The following SEMA3E variants were observed in gnomAD, a reference collection of about 807,000 sequenced individuals.
The protein encoded by SEMA3E is semaphorin 3E, also known as semaphorin-3E.
Under a neutral mutation model 93.6 loss-of-function variants are expected in SEMA3E, and 49 were observed. That is an observed-to-expected ratio of 0.52 (90% confidence interval 0.42 to 0.66). The LOEUF (loss-of-function observed/expected upper bound fraction) is 0.66. SEMA3E is among the 30% of genes least tolerant of loss of function. The pLI, the probability that SEMA3E is intolerant of heterozygous loss-of-function variation, is 0.00. For missense variants in SEMA3E, 906 were observed against 964.8 expected, an observed-to-expected ratio of 0.94 and a Z score of 0.81; for synonymous variants, 363 against 330.7, an observed-to-expected ratio of 1.10 and a Z score of -1.06.
At chr7:83,547,707 G>C (rs1339659759) in intron 1 of SEMA3E, among the ~76,000 whole-genome samples, 1 of 152,066 alleles carries the variant, frequency 6.6e-6, no homozygotes, top group Non-Finnish European at 1.5e-5. Flanking sequence ...CTTGGTTGCT[G>C]CTAGAGATGT....
intron 1 of SEMA3E, among the ~76,000 whole-genome samples, chr7:83,602,968 A>C (rs1052606516): frequency 6.6e-6 from 1 of 152,212 alleles, no homozygotes; most frequent in Non-Finnish European, 1.5e-5. Context: ...TATAGATAGC[A>C]TATAGTAAGT....
intron 1 of SEMA3E, among the ~76,000 whole-genome samples, chr7:83,500,351 G>T (rs1790571341): frequency 6.6e-6 from 1 of 152,012 alleles, no homozygotes; most frequent in South Asian, 2.1e-4. Flanking sequence ...CAGGAGAATT[G>T]CTTGAACCCG....
intron 1 of SEMA3E, among the ~76,000 whole-genome samples, chr7:83,496,686 T>C (rs541214793): frequency 6.6e-6 from 1 of 152,204 alleles, no homozygotes; most frequent in Non-Finnish European, 1.5e-5. Flanking sequence ...CTTAAGAATT[T>C]TTCCTTTCTT....
intron 1 of SEMA3E, among the ~76,000 whole-genome samples, chr7:83,599,264 A>G (rs184371984): frequency 2.2e-4 from 33 of 152,330 alleles, no homozygotes; most frequent in Non-Finnish European, 3.5e-4. Flanking sequence ...ACATTAAGTT[A>G]CACAGAACAC....
At chr7:83,468,688 G>C (rs1454909476) in intron 3 of SEMA3E, among the ~76,000 whole-genome samples, 1 of 152,138 alleles carries the variant, frequency 6.6e-6, no homozygotes, top group African/African-American at 2.4e-5. Flanking sequence ...TGATGTCTTA[G>C]TGTGTTAGGG....
At chr7:83,392,047 G>A (rs1386186355) in intron 14 of SEMA3E, among the ~76,000 whole-genome samples, 2 of 152,110 alleles carry the variant, frequency 1.3e-5, no homozygotes, top group Non-Finnish European at 2.9e-5. Context: ...TTTACCTTCT[G>A]TAGGAAATGG....
Position 83,400,074 on chromosome 7 carries a change from T to C in SEMA3E, c.1320A>G (p.Arg440=), listed in dbSNP as rs750937375. The change falls in exon 11 of 17, where the codon CGA becomes CGG. Residue 440 remains arginine (R), a synonymous_variant. Coordinates refer to ENST00000643230, the MANE Select transcript of SEMA3E (RefSeq NM_012431.3). ...CATATTGGCCATCCTCAGCTTCCAC[T>C]CGATCTACTGCTATTTGTTTCAGGT... ...KYNLKQIAVD[R]VEAEDGQYDV... 4 of 1,614,082 alleles carry C rather than the reference T, an allele frequency of 2.5e-6. No homozygotes were observed. In the Admixed American group the frequency reaches 6.7e-5, roughly 27 times the overall value.
At chr7:83,503,290 T>C (rs1283658735) in intron 1 of SEMA3E, among the ~76,000 whole-genome samples, 1 of 152,132 alleles carries the variant, frequency 6.6e-6, no homozygotes, top group African/African-American at 2.4e-5. Flanking sequence ...CATTCCCATC[T>C]CAGATTGCAA....
At chr7:83,463,582 C>A (rs1160391539) in intron 4 of SEMA3E, among the ~76,000 whole-genome samples, 36 of 151,944 alleles carry the variant, frequency 2.4e-4, no homozygotes, top group Admixed American at 1.3e-4. Context: ...ATCCACCTGA[C>A]ATTCACCCCA....
chr7:83,408,476 A>G lies in SEMA3E; in HGVS notation c.562T>C (p.Phe188Leu). 1 of 1,613,738 alleles carries G rather than the reference A, an allele frequency of 6.2e-7. No homozygotes were observed. The highest frequency in any genetic ancestry group is 8.5e-7 in the Non-Finnish European group (1 of 1,179,822). Residue 188 changes from phenylalanine (F) to leucine (L), a missense_variant, in exon 6 of 17, where the codon TTT (phenylalanine) becomes CTT (leucine). Transcript: ENST00000643230. ...FISTLIGSELFAGLYSDYWSR... is the reference protein window; with the variant it reads ...FISTLIGSELLAGLYSDYWSR... ...CAGTAGTCACTGTAGAGTCCAGCAA[A>G]CAATTCACTACCTACACGGGAGCAT...
chr7:83,494,410 G>C (rs1790447293), intron 1 of SEMA3E, among the ~76,000 whole-genome samples: 1 of 151,594 alleles, frequency 6.6e-6, no homozygotes, highest in Non-Finnish European at 1.5e-5. Flanking sequence ...ACATCACTAA[G>C]AATTAAGGTG....
At chr7:83,554,994 A>AAATAAATAAATAAATAAATAAATAAATG (rs1554337680) in intron 1 of SEMA3E, among the ~76,000 whole-genome samples, 10 of 148,258 alleles carry the variant, frequency 6.7e-5, no homozygotes, top group Middle Eastern at 3.5e-3. Context: ...ATAAATAAAT[A>AAATAAATAAATAAATAAATAAATAAATG]AATAAAAATG....
rs73708503 is a variant in SEMA3E, at chr7:83,594,142, G to T, written c.115+54286C>A. 5.0e-3 allele frequency among the ~76,000 whole-genome samples: 755 copies of T among 152,080 alleles called. 5 individuals are homozygous for T. Among genetic ancestry groups the T allele is most frequent in the African/African-American group, 0.017 (693 of 41,486 alleles). On this transcript the variant is annotated intron_variant, in intron 1 of 16. Coordinates refer to ENST00000643230, the MANE Select transcript of SEMA3E (RefSeq NM_012431.3). Reference sequence around the variant, plus strand: ...TGCCAACTCATTCCAATTACAGATTGTTTTTCTCTAGACAGCATGGAGTAT... The same window carrying T: ...TGCCAACTCATTCCAATTACAGATTTTTTTTCTCTAGACAGCATGGAGTAT...
chr7:83,603,217 A>G (rs1435549778), intron 1 of SEMA3E, among the ~76,000 whole-genome samples: 2 of 152,162 alleles, frequency 1.3e-5, no homozygotes, highest in East Asian at 3.9e-4. Flanking sequence ...GTGTACATCA[A>G]TAGCTCTCAC....
chr7:83,390,336 TTTCA>T (rs1787994902), intron 14 of SEMA3E, among the ~76,000 whole-genome samples: 1 of 151,710 alleles, frequency 6.6e-6, no homozygotes, highest in African/African-American at 2.4e-5. Flanking sequence ...ACAAATTTGC[TTTCA>T]TTCTCAAAAT....
chr7:83,380,733 G>C (rs1787759456), intron 16 of SEMA3E, among the ~76,000 whole-genome samples: 1 of 151,854 alleles, frequency 6.6e-6, no homozygotes, highest in East Asian at 1.9e-4. Context: ...TTATTACAAG[G>C]CTGTAAACTT....
rs182849663 is a variant in SEMA3E, at chr7:83,416,543, G to A, written c.550+1847C>T. Among the ~76,000 whole-genome samples, 411 of 151,932 alleles carry A rather than the reference G, an allele frequency of 2.7e-3. 1 individual carries two copies. The highest frequency in any genetic ancestry group is 9.1e-3 in the African/African-American group (379 of 41,468). On this transcript the variant is annotated intron_variant, in intron 5 of 16. Coordinates refer to ENST00000643230, the MANE Select transcript of SEMA3E (RefSeq NM_012431.3). ...AATAATTTGCCTTCTAATATTCTCAGGATTTCACTATAGAAGCAGCATATA... is the reference window on the plus strand; with the variant it reads ...AATAATTTGCCTTCTAATATTCTCAAGATTTCACTATAGAAGCAGCATATA...
intron 1 of SEMA3E, among the ~76,000 whole-genome samples, chr7:83,512,732 A>G (rs1020796439): frequency 3.3e-5 from 5 of 152,184 alleles, no homozygotes; most frequent in Non-Finnish European, 7.4e-5. Flanking sequence ...ATATTTCTGT[A>G]CTTTGAATAT....
chr7:83,448,704 C>T (rs1789289122), intron 4 of SEMA3E, among the ~76,000 whole-genome samples: 1 of 152,136 alleles, frequency 6.6e-6, no homozygotes, highest in African/African-American at 2.4e-5. Flanking sequence ...GATAACATTT[C>T]CAAACTAAAG....
Sources: gnomAD v4.1 joint callset for allele counts (sites outside exome capture counted in the v4.1 genomes callset) on GRCh38, gnomAD v4.1.1 for gene constraint, MANE v1.5 for transcripts, NCBI Gene and HGNC (gene_info 2026-07-23, HGNC 2026-07-21) for gene names.